Variants in MTUS1 observed in about 807,000 individuals in gnomAD.
The protein encoded by MTUS1 is microtubule associated scaffold protein 1.
MTUS1 carries 109 observed loss-of-function variants against 120.8 expected under a neutral mutation model. The ratio of observed to expected loss-of-function variants is 0.90; its 90% CI spans 0.77 to 1.06. MTUS1 has a LOEUF of 1.06. Ranked by LOEUF, MTUS1 falls within the 50% of genes least tolerant of loss-of-function variation. MTUS1 has a pLI of 0.00. For missense variants in MTUS1, 2,210 were observed against 1,486.3 expected (o/e 1.49, Z -8.01); for synonymous variants, 737 against 550.5 (o/e 1.34, Z -4.74).
In MTUS1 at chr8:17,645,944, G is replaced by C. The variant is rs200089489; in HGVS notation, c.3795C>G (p.Pro1265=). The part of the protein sequence containing the change: ...SPRNSGSFPS[P]SISPR The stretch of plus-strand genomic sequence containing the variant: ...GGAGGTGTCATCTGGGTGAAATGCT[G>C]GGGCTAGGGAAGGAGCCCGAATTCC... The change falls in exon 15 of 15, where the codon CCC becomes CCG. Residue 1265 remains proline, a synonymous_variant. Transcript: ENST00000693296. 6.2e-7 allele frequency: 1 copy of C among 1,611,980 alleles called. No individual in the cohort carries two copies. The highest frequency in any genetic ancestry group is 8.5e-7 in the Non-Finnish European group (1 of 1,179,726).
chr8:17,647,849 T>C (rs1217580118), intron 13 of MTUS1, among the ~76,000 whole-genome samples: 1 of 152,202 alleles, frequency 6.6e-6, no homozygotes, highest in Non-Finnish European at 1.5e-5. Flanking sequence ...AGAGGCAATA[T>C]TATAGCTCCG....
intron 1 of MTUS1, among the ~76,000 whole-genome samples, chr8:17,790,811 A>T (rs1224365086): frequency 6.6e-6 from 1 of 152,000 alleles, no homozygotes; most frequent in Non-Finnish European, 1.5e-5. Flanking sequence ...ACATGGTGAA[A>T]CTCCATCTCT....
chr8:17,798,125 T>G (rs1212580198), intron 1 of MTUS1, among the ~76,000 whole-genome samples: 1 of 152,194 alleles, frequency 6.6e-6, no homozygotes, highest in Non-Finnish European at 1.5e-5. Context: ...TGAGCCTACT[T>G]TGTATAATCA....
At chr8:17,793,074 C>A (rs569045966) in intron 1 of MTUS1, among the ~76,000 whole-genome samples, 2 of 152,180 alleles carry the variant, frequency 1.3e-5, no homozygotes, top group African/African-American at 4.8e-5. Context: ...GTTGTACATA[C>A]ATTTTTCTCT....
chr8:17,734,375 C>T (rs1387046591), intron 3 of MTUS1: 1 of 152,208 alleles, frequency 6.6e-6, no homozygotes. Context: ...CAAGGGTAAG[C>T]TCCCCAGACA....
intron 6 of MTUS1, among the ~76,000 whole-genome samples, chr8:17,708,174 C>A (rs2130970223): frequency 6.6e-6 from 1 of 152,202 alleles, no homozygotes; most frequent in African/African-American, 2.4e-5. Flanking sequence ...GAAAACACAC[C>A]CAAGAATTGG....
intron 6 of MTUS1, among the ~76,000 whole-genome samples, chr8:17,688,713 C>T (rs1351909131): frequency 6.6e-6 from 1 of 152,156 alleles, no homozygotes; most frequent in East Asian, 1.9e-4. Flanking sequence ...TTAAAGTTAC[C>T]ATTCATGTCA....
intron 6 of MTUS1, among the ~76,000 whole-genome samples, chr8:17,703,657 A>T (rs1459527204): frequency 6.7e-6 from 1 of 148,984 alleles, no homozygotes; most frequent in Non-Finnish European, 1.5e-5. Context: ...ACTGAGAGAG[A>T]TACGCCCTGG....
intron 1 of MTUS1, among the ~76,000 whole-genome samples, chr8:17,776,377 G>A (rs2050433759): frequency 6.6e-6 from 1 of 152,036 alleles, no homozygotes; most frequent in Admixed American, 6.6e-5. Context: ...GAGACCTACA[G>A]ACAATACACA....
Position 17,751,566 on chromosome 8 carries a change from GAA to G in MTUS1, c.2091+2149_2091+2150del, listed in dbSNP as rs61384260. Among the ~76,000 whole-genome samples, 54 of 151,906 alleles carry G rather than the reference GAA, an allele frequency of 3.6e-4. 1 individual carries two copies. In the South Asian group the frequency reaches 0.011, roughly 32 times the overall value. ...AGCACTGTGCTTCAGACATGATCGT[GAA>G]AAAAGAGTAGGCCGGGGGCAGTGGC... On this transcript the variant is annotated intron_variant, in intron 2 of 14. Coordinates refer to ENST00000693296, the MANE Select transcript of MTUS1 (RefSeq NM_001363059.2).
chr8:17,655,805 C>G (rs558798019), intron 9 of MTUS1, 58 bp downstream of exon 9: 53 of 1,476,776 alleles, frequency 3.6e-5, no homozygotes, highest in Admixed American at 2.2e-4. Flanking sequence ...TGAAGAGCAA[C>G]CAGGATTCAA....
intron 8 of MTUS1, among the ~76,000 whole-genome samples, chr8:17,658,519 A>C (rs962201676): frequency 6.6e-6 from 1 of 152,154 alleles, no homozygotes; most frequent in African/African-American, 2.4e-5. Context: ...CCGATGTGTA[A>C]ATACAGGCAG....
At chr8:17,729,407 T>G (rs557643648) in intron 3 of MTUS1, among the ~76,000 whole-genome samples, 45 of 152,272 alleles carry the variant, frequency 3.0e-4, no homozygotes, top group African/African-American at 1.1e-3. Context: ...TAAATAAACC[T>G]GATGGGCTTC....
At chr8:17,795,826 G>C (rs528808354) in intron 1 of MTUS1, among the ~76,000 whole-genome samples, 3 of 151,954 alleles carry the variant, frequency 2.0e-5, no homozygotes, top group East Asian at 3.9e-4. Context: ...TAGTAGAGTC[G>C]GGTTTCACCA....
At chr8:17,743,137 G>C (rs2047464089) in intron 3 of MTUS1, among the ~76,000 whole-genome samples, 1 of 151,788 alleles carries the variant, frequency 6.6e-6, no homozygotes, top group Non-Finnish European at 1.5e-5. Flanking sequence ...ATAAATAAAA[G>C]TTCACATTAG....
intron 6 of MTUS1, among the ~76,000 whole-genome samples, chr8:17,709,378 C>T (rs2130983334): frequency 6.6e-6 from 1 of 152,232 alleles, no homozygotes; most frequent in East Asian, 1.9e-4. Flanking sequence ...CAAGACAACC[C>T]TCCTTCCTAG....
chr8:17,782,156 A>C (rs115751937), intron 1 of MTUS1, among the ~76,000 whole-genome samples: 2,261 of 152,186 alleles, frequency 0.015, 55 homozygotes, highest in African/African-American at 0.052. Context: ...CAATGATGGG[A>C]TTTTTTTCCC....
intron 6 of MTUS1, among the ~76,000 whole-genome samples, chr8:17,703,278 A>C (rs1001022908): frequency 6.6e-6 from 1 of 152,174 alleles, no homozygotes; most frequent in East Asian, 1.9e-4. Context: ...CCCTAGGAAA[A>C]GAATTGCATT....
chr8:17,771,367 A>C (rs2050011026), intron 1 of MTUS1, among the ~76,000 whole-genome samples: 1 of 152,244 alleles, frequency 6.6e-6, no homozygotes, highest in African/African-American at 2.4e-5. Flanking sequence ...GGAATTTTGA[A>C]TATCAAAACA....
Sources: gnomAD v4.1 joint callset for allele counts (sites outside exome capture counted in the v4.1 genomes callset) on GRCh38, gnomAD v4.1.1 for gene constraint, MANE v1.5 for transcripts, NCBI Gene and HGNC (gene_info 2026-07-23, HGNC 2026-07-21) for gene names.